Variants in CASD1 observed in about 807,000 individuals in gnomAD.
CASD1 encodes the protein N-acetylneuraminate (7)9-O-acetyltransferase.
CASD1 carries 41 observed loss-of-function variants against 100.0 expected under a neutral mutation model. The ratio of observed to expected loss-of-function variants is 0.41; its 90% confidence interval spans 0.32 to 0.53. The LOEUF (loss-of-function observed/expected upper bound fraction) is 0.53, where lower values mean the gene tolerates loss of function less well. Among genes scored for constraint, CASD1 ranks in the 20% least tolerant of loss-of-function variants. The pLI, the probability that CASD1 is intolerant of heterozygous loss-of-function variation, is 0.25. For missense variants in CASD1, 774 were observed against 948.7 expected, an observed-to-expected ratio of 0.82 and a Z score of 2.42; for synonymous variants, 321 against 315.6, an observed-to-expected ratio of 1.02 and a Z score of -0.18.
chr7:94,532,807 A>C (rs1293066779), intron 5 of CASD1, among the ~76,000 whole-genome samples: 2 of 152,110 alleles, frequency 1.3e-5, no homozygotes, highest in Admixed American at 6.6e-5. Context: ...CTTGTATTTT[A>C]TTTAACACTT....
Position 94,537,763 on chromosome 7 carries a change from G to T in CASD1, c.1135G>T (p.Ala379Ser). 2 of 1,613,572 alleles carry T rather than the reference G, an allele frequency of 1.2e-6. No homozygotes were observed. The highest frequency in any genetic ancestry group is 1.7e-6 in the Non-Finnish European group (2 of 1,179,780). The change falls in exon 9 of 18, where the codon GCA (alanine) becomes TCA (serine). Residue 379 changes from alanine (A) to serine (S), a missense_variant. Coordinates refer to ENST00000297273, the MANE Select transcript of CASD1 (RefSeq NM_022900.5). ...TTTCTGCAAACTTGGCCTGATTATG[G>T]CATATTTCTATATGTGTGACCGTGC... is the stretch of plus-strand genomic sequence containing the variant. Reference protein sequence around the residue: ...QSFCKLGLIMAYFYMCDRANL... With the variant: ...QSFCKLGLIMSYFYMCDRANL...
intron 8 of CASD1, among the ~76,000 whole-genome samples, 195 bp downstream of exon 8, chr7:94,535,718 T>C: frequency 6.6e-6 from 1 of 152,168 alleles, no homozygotes; most frequent in East Asian, 1.9e-4. Flanking sequence ...AGAGTTTTGG[T>C]ATACTCTAAG....
At chr7:94,518,346 T>A (rs1476332015) in intron 3 of CASD1, 23 bp downstream of exon 3, 1 of 1,547,040 alleles carries the variant, frequency 6.5e-7, no homozygotes, top group African/African-American at 1.4e-5. Context: ...TATTCCCTTC[T>A]GTAGAGTGTT....
chr7:94,518,364 T>G, intron 3 of CASD1, 41 bp downstream of exon 3: 1 of 1,503,882 alleles, frequency 6.6e-7, no homozygotes, highest in Non-Finnish European at 8.9e-7. Context: ...GTTTTAGAAG[T>G]TAACCAACTG....
chr7:94,543,650 C>CT (rs1310921338), intron 10 of CASD1, among the ~76,000 whole-genome samples: 7 of 105,462 alleles, frequency 6.6e-5, no homozygotes, highest in Admixed American at 3.9e-4. Context: ...GTGAGACTGT[C>CT]TCCAAAAAAA....
chr7:94,521,695 G>T (rs536610221), intron 3 of CASD1, among the ~76,000 whole-genome samples: 1 of 151,948 alleles, frequency 6.6e-6, no homozygotes, highest in Non-Finnish European at 1.5e-5. Flanking sequence ...ATATACATAC[G>T]CACACACAAT....
chr7:94,563,397 G>C, the CASD1 span, among the ~76,000 whole-genome samples: 3 of 151,970 alleles, frequency 2.0e-5, no homozygotes, highest in Non-Finnish European at 4.4e-5. Flanking sequence ...TTGGTGGTTT[G>C]GTCAATTAGA....
At chr7:94,588,800 C>T in the CASD1 span, 2 of 1,601,870 alleles carry the variant, frequency 1.2e-6, no homozygotes, top group Non-Finnish European at 1.7e-6. Flanking sequence ...AGCAGACATA[C>T]TAGAATGAAA....
chr7:94,588,233 A>G, the CASD1 span: 1 of 1,047,130 alleles, frequency 9.5e-7, no homozygotes, highest in Non-Finnish European at 1.1e-6. Context: ...AGCTTTTTAA[A>G]GCGGCTTTAA....
At chr7:94,510,295 C>T (rs995742127) in intron 1 of CASD1, 78 bp downstream of exon 1, 5 of 1,091,362 alleles carry the variant, frequency 4.6e-6, no homozygotes, top group African/African-American at 3.3e-5. Flanking sequence ...CCCCCATCGC[C>T]CAACACACGC....
chr7:94,510,596 C>G (rs1293357005), intron 1 of CASD1, among the ~76,000 whole-genome samples: 1 of 152,220 alleles, frequency 6.6e-6, no homozygotes, highest in African/African-American at 2.4e-5. Context: ...TGGGGGCAGC[C>G]CGGGGCGCAT....
chr7:94,585,813 T>A, the CASD1 span, among the ~76,000 whole-genome samples: 1 of 152,044 alleles, frequency 6.6e-6, no homozygotes, highest in African/African-American at 2.4e-5. Flanking sequence ...AACTGCAGGA[T>A]GTATAACTGT....
chr7:94,550,791 C>G (rs534894819), intron 14 of CASD1, among the ~76,000 whole-genome samples: 2 of 151,994 alleles, frequency 1.3e-5, no homozygotes, highest in African/African-American at 2.4e-5. Flanking sequence ...ATTCAACTTA[C>G]GATTTTGAGT....
At chr7:94,512,481 A>T (rs1437119693) in intron 1 of CASD1, among the ~76,000 whole-genome samples, 25 of 152,230 alleles carry the variant, frequency 1.6e-4, no homozygotes, top group Non-Finnish European at 2.9e-5. Context: ...TGCAGTTTGG[A>T]TATACATATT....
intron 8 of CASD1, among the ~76,000 whole-genome samples, chr7:94,537,187 G>A (rs913894980): frequency 6.6e-6 from 1 of 152,068 alleles, no homozygotes; most frequent in Non-Finnish European, 1.5e-5. Flanking sequence ...ATCTCAGAGT[G>A]CATTCCAAGT....
chr7:94,602,593 AAAAC>A, the CASD1 span, among the ~76,000 whole-genome samples: 26 of 152,284 alleles, frequency 1.7e-4, no homozygotes, highest in South Asian at 2.5e-3. Context: ...AAAGAAAAAA[AAAAC>A]AAAGAATTGA....
At chr7:94,576,239 C>T in the CASD1 span, among the ~76,000 whole-genome samples, 2 of 152,120 alleles carry the variant, frequency 1.3e-5, no homozygotes, top group Admixed American at 1.3e-4. Flanking sequence ...TTTGCTGATT[C>T]TTTCTGCTGC....
intron 1 of CASD1, among the ~76,000 whole-genome samples, chr7:94,515,141 C>T (rs1793910768): frequency 6.6e-6 from 1 of 152,000 alleles, no homozygotes; most frequent in Non-Finnish European, 1.5e-5. Flanking sequence ...CAGTTGTCTA[C>T]TTAGCAATCC....
intron 1 of CASD1, among the ~76,000 whole-genome samples, chr7:94,514,719 C>G (rs1793886305): frequency 6.6e-6 from 1 of 152,036 alleles, no homozygotes; most frequent in South Asian, 2.1e-4. Flanking sequence ...GCCATTCATC[C>G]AGATAATCTT....
Sources: allele counts gnomAD v4.1 joint callset (sites outside exome capture counted in the v4.1 genomes callset), GRCh38; gene constraint gnomAD v4.1.1; transcripts MANE v1.5; gene names NCBI Gene and HGNC (gene_info 2026-07-23, HGNC 2026-07-21).